Variants in GALNT7 observed in about 807,000 individuals in gnomAD.
GALNT7 encodes the protein N-acetylgalactosaminyltransferase 7.
Under a neutral mutation model 82.1 loss-of-function variants are expected in GALNT7, and 60 were observed. The ratio of observed to expected loss-of-function variants is 0.73; its 90% CI spans 0.59 to 0.91. The LOEUF is 0.91. GALNT7 is among the 40% of genes least tolerant of loss of function. GALNT7 has a pLI of 0.00. For missense variants in GALNT7, 660 were observed against 804.2 expected (o/e 0.82, Z 2.17); for synonymous variants, 243 against 275.1 (o/e 0.88, Z 1.15).
intron 9 of GALNT7, 51 bp downstream of exon 9, chr4:173,314,227 AAG>A (rs1167399452): frequency 8.2e-7 from 1 of 1,213,044 alleles, no homozygotes; most frequent in African/African-American, 1.5e-5. Context: ...AGTTTGGGAG[AAG>A]GCAGAGAGAG....
At chr4:173,220,968 G>T (rs1161907393) in intron 1 of GALNT7, among the ~76,000 whole-genome samples, 2 of 151,702 alleles carry the variant, frequency 1.3e-5, no homozygotes, top group Admixed American at 6.6e-5. Flanking sequence ...ACATACGTGT[G>T]CATGTGTCTT....
At chr4:173,175,622 G>A (rs540992975) in intron 1 of GALNT7, among the ~76,000 whole-genome samples, 1 of 152,228 alleles carries the variant, frequency 6.6e-6, no homozygotes, top group East Asian at 1.9e-4. Context: ...TTCAGCTTAC[G>A]ATTTTTGACT....
At position 173,277,868 on chromosome 4, in the gene GALNT7, A is replaced by G. The variant is rs186739744; in HGVS notation, c.588-14240A>G. 2.6e-3 allele frequency among the ~76,000 whole-genome samples: 401 copies of G among 152,294 alleles called. 2 individuals are homozygous for G. Among genetic ancestry groups the G allele is most frequent in the African/African-American group, 9.2e-3 (383 of 41,548 alleles). ...GTGATTTCCATATTGAAAGTATTATAACTGACATCTTAAGAGTGCACTAGA... is the reference window on the plus strand; with the variant it reads ...GTGATTTCCATATTGAAAGTATTATGACTGACATCTTAAGAGTGCACTAGA... On this transcript the variant is annotated intron_variant, in intron 2 of 11. Coordinates refer to ENST00000265000, the MANE Select transcript of GALNT7 (RefSeq NM_017423.3).
intron 1 of GALNT7, among the ~76,000 whole-genome samples, chr4:173,237,603 T>G (rs546919921): frequency 6.6e-6 from 1 of 152,292 alleles, no homozygotes; most frequent in East Asian, 1.9e-4. Context: ...TTAGGAAGGT[T>G]TGGAAATCAT....
At chr4:173,208,601 G>A (rs1733174216) in intron 1 of GALNT7, among the ~76,000 whole-genome samples, 1 of 152,134 alleles carries the variant, frequency 6.6e-6, no homozygotes. Context: ...AATCTACACA[G>A]GACAGGCTTT....
intron 2 of GALNT7, among the ~76,000 whole-genome samples, chr4:173,261,393 T>TG (rs1380090345): frequency 6.6e-6 from 1 of 151,764 alleles, no homozygotes; most frequent in Non-Finnish European, 1.5e-5. Flanking sequence ...TTTTTTTGTT[T>TG]TTTTTTTTCT....
intron 2 of GALNT7, among the ~76,000 whole-genome samples, chr4:173,274,322 CTTTAAAA>C (rs1735826489): frequency 6.6e-6 from 1 of 152,156 alleles, no homozygotes; most frequent in Admixed American, 6.5e-5. Flanking sequence ...TATCCTCAAC[CTTTAAAA>C]TTAAACTGAC....
chr4:173,301,599 T>C (rs1736938750), intron 6 of GALNT7, among the ~76,000 whole-genome samples: 1 of 152,208 alleles, frequency 6.6e-6, no homozygotes. Context: ...CCCTGAGCTA[T>C]AAAATTAAAA....
intron 1 of GALNT7, among the ~76,000 whole-genome samples, chr4:173,201,708 T>C (rs919621616): frequency 6.6e-6 from 1 of 152,212 alleles, no homozygotes; most frequent in African/African-American, 2.4e-5. Context: ...ACCTTTTTTT[T>C]CTAGTAACTG....
chr4:173,200,509 G>C (rs1261860384), intron 1 of GALNT7, among the ~76,000 whole-genome samples: 1 of 151,366 alleles, frequency 6.6e-6, no homozygotes, highest in Non-Finnish European at 1.5e-5. Flanking sequence ...AGCCTAATTA[G>C]CACATTAATA....
chr4:173,218,390 A>G (rs1733537562), intron 1 of GALNT7, among the ~76,000 whole-genome samples: 1 of 152,220 alleles, frequency 6.6e-6, no homozygotes, highest in African/African-American at 2.4e-5. Flanking sequence ...AAAAGCTCTT[A>G]TAGTAAATTT....
intron 1 of GALNT7, among the ~76,000 whole-genome samples, chr4:173,188,787 C>T (rs1732532888): frequency 6.6e-6 from 1 of 152,200 alleles, no homozygotes; most frequent in Admixed American, 6.5e-5. Context: ...GAAGATTTTC[C>T]TGACCACTTG....
At chr4:173,307,164 C>T (rs1040514639) in intron 8 of GALNT7, among the ~76,000 whole-genome samples, 3 of 152,228 alleles carry the variant, frequency 2.0e-5, no homozygotes, top group African/African-American at 7.2e-5. Context: ...CCTGATTTTT[C>T]TCTCATTGCA....
intron 1 of GALNT7, among the ~76,000 whole-genome samples, chr4:173,235,940 T>C (rs1267691748): frequency 6.6e-6 from 1 of 152,226 alleles, no homozygotes; most frequent in Non-Finnish European, 1.5e-5. Flanking sequence ...TATTTGTTTA[T>C]CTGTCTGCCC....
chr4:173,270,879 A>G (rs2126788233), intron 2 of GALNT7, among the ~76,000 whole-genome samples: 1 of 152,344 alleles, frequency 6.6e-6, no homozygotes, highest in South Asian at 2.1e-4. Flanking sequence ...TCTTCTTGGC[A>G]GCTGCATTCT....
At chr4:173,199,979 TG>T (rs1483767730) in intron 1 of GALNT7, among the ~76,000 whole-genome samples, 1 of 152,236 alleles carries the variant, frequency 6.6e-6, no homozygotes, top group Non-Finnish European at 1.5e-5. Flanking sequence ...AGTACATTAT[TG>T]ATCTCTAATT....
At chr4:173,277,444 T>C (rs1271323813) in intron 2 of GALNT7, among the ~76,000 whole-genome samples, 1 of 152,208 alleles carries the variant, frequency 6.6e-6, no homozygotes, top group Non-Finnish European at 1.5e-5. Context: ...AAGAGCCTAG[T>C]AGAAACCAAC....
chr4:173,243,810 A>G (rs1179521967), intron 1 of GALNT7, among the ~76,000 whole-genome samples: 2 of 152,020 alleles, frequency 1.3e-5, no homozygotes, highest in African/African-American at 2.4e-5. Flanking sequence ...TGGTGAATTC[A>G]TAAGGTATTG....
At position 173,292,393 on chromosome 4, in the gene GALNT7, T is replaced by C; in HGVS notation, c.754+119T>C. On this transcript the variant is annotated intron_variant, in intron 3 of 11. Coordinates refer to ENST00000265000, the MANE Select transcript of GALNT7 (RefSeq NM_017423.3). The surrounding 1 kb of genome is among the most constrained non-coding windows in gnomAD (Gnocchi z 4.8). ...TAATAGCATCTATTGATAGCATCTGTTATCAACAAGTTGACACTGTGCCAA... is the reference window on the plus strand; with the variant it reads ...TAATAGCATCTATTGATAGCATCTGCTATCAACAAGTTGACACTGTGCCAA... The C allele has an allele frequency of 1.6e-6, 1 of 623,602 alleles. No individual in the cohort carries two copies. Among genetic ancestry groups the C allele is most frequent in the Non-Finnish European group, 2.8e-6 (1 of 361,226 alleles). 38.6% of individuals were successfully genotyped at this position (623,602 alleles called of 1,614,324 possible). A position where few individuals can be genotyped will look rare whatever the true frequency, so the allele number is the denominator to read the frequency against.
Sources: allele counts gnomAD v4.1 joint callset (sites outside exome capture counted in the v4.1 genomes callset), GRCh38; gene constraint gnomAD v4.1.1; non-coding constraint Gnocchi (gnomAD v3.1); transcripts MANE v1.5; gene names NCBI Gene and HGNC (gene_info 2026-07-23, HGNC 2026-07-21).